The following PROM1 variants were observed in gnomAD, a reference collection of about 807,000 sequenced individuals.
The protein encoded by PROM1 is prominin-1.
PROM1 carries 105 observed loss-of-function variants against 116.9 expected under a neutral mutation model. The ratio of observed to expected loss-of-function variants is 0.90; its 90% CI spans 0.77 to 1.06. PROM1 has a LOEUF of 1.06. Among genes scored for constraint, PROM1 ranks in the 50% least tolerant of loss-of-function variants. The probability of loss-of-function intolerance (pLI) is 0.00; values close to 1 mark genes in which losing one functional copy is unlikely to be tolerated. For missense variants in PROM1, 1,122 were observed against 1,045.2 expected (o/e 1.07, Z -1.01); for synonymous variants, 393 against 387.0 (o/e 1.02, Z -0.18).
rs1728920875 is a variant in PROM1, at chr4:16,018,304, C to T, written c.1002+19G>A. On this transcript the variant is annotated intron_variant, in intron 9 of 27. Coordinates refer to ENST00000447510, the MANE Select transcript of PROM1 (RefSeq NM_006017.3). ...CCCAGCATGCAGCCCTTGACCATGG[C>T]AAGCTCATGCCTGCTCACCTGCCTC... The T allele has an allele frequency of 1.2e-6, 2 of 1,608,780 alleles. No homozygotes were observed. The highest frequency in any genetic ancestry group is 2.7e-5 in the African/African-American group (2 of 74,796).
intron 13 of PROM1, 59 bp from the exon 14 acceptor site, chr4:16,000,678 T>C (rs1482259033): frequency 5.1e-6 from 7 of 1,386,050 alleles, no homozygotes; most frequent in East Asian, 2.4e-5. Context: ...TACCTACTGA[T>C]ACTTACTAAA....
chr4:16,006,505 A>G, intron 13 of PROM1, 33 bp downstream of exon 13: 2 of 1,550,174 alleles, frequency 1.3e-6, no homozygotes, highest in Non-Finnish European at 8.7e-7. Flanking sequence ...CTGCATTCCC[A>G]CTCCCACATG....
chr4:15,996,224 G>A (rs1004638779), intron 15 of PROM1, among the ~76,000 whole-genome samples: 1 of 152,192 alleles, frequency 6.6e-6, no homozygotes, highest in Non-Finnish European at 1.5e-5. Flanking sequence ...GAAATAAACA[G>A]TAATGGCCGG....
chr4:16,030,758 T>C (rs1337692182), intron 5 of PROM1, among the ~76,000 whole-genome samples: 1 of 152,120 alleles, frequency 6.6e-6, no homozygotes, highest in Non-Finnish European at 1.5e-5. Flanking sequence ...AGAAACCCAT[T>C]GTAGTGGCTA....
chr4:16,058,615 C>T (rs187556390), intron 2 of PROM1, among the ~76,000 whole-genome samples: 5 of 150,340 alleles, frequency 3.3e-5, no homozygotes, highest in Non-Finnish European at 5.9e-5. Flanking sequence ...CCACTGCACT[C>T]TAGCCTGGGC....
In PROM1 at chr4:16,056,910, C is replaced by A. The variant is rs191045218; in HGVS notation, c.221-17909G>T. Among the ~76,000 whole-genome samples the A allele has an allele frequency of 1.5e-3, 226 of 152,292 alleles. 1 individual carries two copies. Among genetic ancestry groups the A allele is most frequent in the Non-Finnish European group, 2.2e-3 (147 of 68,028 alleles). On this transcript the variant is annotated intron_variant, in intron 2 of 27. Coordinates refer to ENST00000447510, the MANE Select transcript of PROM1 (RefSeq NM_006017.3). The stretch of plus-strand genomic sequence containing the variant: ...GCTGGGAGAGGGCAGTCCTGGTGGT[C>A]AGAAGGGGACAGATTTGAAATACAC...
intron 17 of PROM1, among the ~76,000 whole-genome samples, chr4:15,991,915 A>C (rs1721112485): frequency 8.2e-6 from 1 of 121,644 alleles, no homozygotes. Flanking sequence ...CAGCCTGGTG[A>C]CAGAGCGAGA....
At chr4:16,052,134 G>C (rs1738027228) in intron 2 of PROM1, among the ~76,000 whole-genome samples, 1 of 152,176 alleles carries the variant, frequency 6.6e-6, no homozygotes, top group African/African-American at 2.4e-5. Context: ...GAGATGAAAA[G>C]GAATGCTTTG....
Position 15,986,055 on chromosome 4 carries a change from A to T in PROM1, c.2131-18T>A. ...ACTCTCTCCTGAAAGACACAGCCAC[A>T]GTTATCAGGGTATCAAGTCATAGAA... is the stretch of plus-strand genomic sequence containing the variant. On this transcript the variant is annotated intron_variant, in intron 20 of 27. Coordinates refer to ENST00000447510, the MANE Select transcript of PROM1 (RefSeq NM_006017.3). 2 of 1,512,942 alleles carry T rather than the reference A, an allele frequency of 1.3e-6. No homozygotes were observed. Among genetic ancestry groups the T allele is most frequent in the Non-Finnish European group, 1.8e-6 (2 of 1,103,742 alleles). The allele number at this position is 1,512,942 out of a possible 1,614,324, so 93.7% of individuals were successfully genotyped here. A position where few individuals can be genotyped will look rare whatever the true frequency, so the allele number is the denominator to read the frequency against.
chr4:16,058,020 G>T (rs1560588659), intron 2 of PROM1, among the ~76,000 whole-genome samples: 1 of 152,124 alleles, frequency 6.6e-6, no homozygotes, highest in Non-Finnish European at 1.5e-5. Flanking sequence ...AACTGTCCAG[G>T]CCAATTGTTC....
At chr4:15,974,969 A>G (rs540523478) in intron 26 of PROM1, among the ~76,000 whole-genome samples, 21 of 152,224 alleles carry the variant, frequency 1.4e-4, no homozygotes, top group Admixed American at 9.2e-4. Flanking sequence ...GTCGGCTAAT[A>G]TCCAGAGCCC....
At chr4:15,995,430 A>G (rs1433730471) in intron 15 of PROM1, among the ~76,000 whole-genome samples, 1 of 151,922 alleles carries the variant, frequency 6.6e-6, no homozygotes, top group East Asian at 1.9e-4. Flanking sequence ...AGGAAGAGGA[A>G]GAAGAAGAAG....
intron 11 of PROM1, among the ~76,000 whole-genome samples, chr4:16,009,416 G>C (rs112070039): frequency 1.3e-5 from 2 of 152,132 alleles, no homozygotes; most frequent in African/African-American, 2.4e-5. Flanking sequence ...TGCAGACTAC[G>C]TGCCAGGCAC....
At chr4:15,995,395 G>A (rs1201852384) in intron 15 of PROM1, among the ~76,000 whole-genome samples, 2 of 151,990 alleles carry the variant, frequency 1.3e-5, no homozygotes, top group Non-Finnish European at 2.9e-5. Context: ...AGAAAAAGGA[G>A]GAGGAGGAGG....
intron 13 of PROM1, among the ~76,000 whole-genome samples, chr4:16,002,751 A>C (rs372938765): frequency 1.3e-5 from 2 of 152,308 alleles, no homozygotes; most frequent in African/African-American, 4.8e-5. Context: ...AAACCAAGAC[A>C]GCTGTCTAAA....
At chr4:16,058,308 T>C (rs1046103172) in intron 2 of PROM1, among the ~76,000 whole-genome samples, 1 of 152,132 alleles carries the variant, frequency 6.6e-6, no homozygotes, top group African/African-American at 2.4e-5. Context: ...TTTTAAAAAA[T>C]CACTGCTTTT....
At position 16,035,775 on chromosome 4, in the gene PROM1, C is replaced by G; in HGVS notation, c.277-14G>C. 2 of 1,612,856 alleles carry G rather than the reference C, an allele frequency of 1.2e-6. No homozygotes were observed. Among genetic ancestry groups the G allele is most frequent in the Non-Finnish European group, 1.7e-6 (2 of 1,179,168 alleles). ...TACAGTTTCTGGCTGTAGAAGTCAACGCAGGTGAGGAATTTTGGCAGAGGC... is the reference window on the plus strand; with the variant it reads ...TACAGTTTCTGGCTGTAGAAGTCAAGGCAGGTGAGGAATTTTGGCAGAGGC... On this transcript the variant is annotated splice_polypyrimidine_tract_variant and intron_variant, in intron 3 of 27. Coordinates refer to ENST00000447510, the MANE Select transcript of PROM1 (RefSeq NM_006017.3).
intron 3 of PROM1, chr4:16,038,056 G>A (rs1460071956): frequency 6.6e-6 from 1 of 152,180 alleles, no homozygotes; most frequent in African/African-American, 2.4e-5. Context: ...AGCCTGGAAT[G>A]TGAGAAGAGC....
chr4:16,019,781 G>A (rs1201986439), intron 8 of PROM1, among the ~76,000 whole-genome samples: 2 of 152,124 alleles, frequency 1.3e-5, no homozygotes, highest in African/African-American at 4.8e-5. Flanking sequence ...GCAATTGGGT[G>A]TTTCAAGGAA....
Sources: gnomAD v4.1 joint callset for allele counts (sites outside exome capture counted in the v4.1 genomes callset) on GRCh38, gnomAD v4.1.1 for gene constraint, MANE v1.5 for transcripts, NCBI Gene and HGNC (gene_info 2026-07-23, HGNC 2026-07-21) for gene names.